The following TPM3 variants were observed in gnomAD, a reference collection of about 807,000 sequenced individuals.
The protein encoded by TPM3 is tropomyosin alpha-3 chain.
Under a neutral mutation model 43.1 loss-of-function variants are expected in TPM3, and 16 were observed. The ratio of observed to expected loss-of-function variants is 0.37; its 90% confidence interval spans 0.25 to 0.56. TPM3 has a LOEUF of 0.56. Ranked by LOEUF, TPM3 falls within the 20% of genes least tolerant of loss-of-function variation. TPM3 has a pLI of 0.77. For missense variants in TPM3, 176 were observed against 337.2 expected (o/e 0.52, Z 3.74); for synonymous variants, 101 against 116.9 (o/e 0.86, Z 0.88).
chr1:154,168,871 T>G (rs1217147127), intron 9 of TPM3, among the ~76,000 whole-genome samples: 1 of 150,106 alleles, frequency 6.7e-6, no homozygotes, highest in Non-Finnish European at 1.5e-5. Context: ...GGTCTCACTC[T>G]GTTGCCCAGG....
Position 154,172,910 on chromosome 1 carries a change from C to T in TPM3, c.564G>A (p.Glu188=), listed in dbSNP as rs781154420. The change falls in exon 5 of 10, where the codon GAG becomes GAA. Residue 188 remains glutamate (E), a splice_region_variant and synonymous_variant. Coordinates refer to ENST00000651641, the MANE Select transcript of TPM3 (RefSeq NM_152263.4). ...ERTEERAELA[E]SKCSELEEEL... ...GATTTGGGGAGCTAGATACTCACGA[C>T]TCTGCCAGCTCAGCTCGTTCCTCTG... 1.2e-6 allele frequency: 2 copies of T among 1,614,076 alleles called. No individual in the cohort carries two copies. Among genetic ancestry groups the T allele is most frequent in the Non-Finnish European group, 1.7e-6 (2 of 1,180,054 alleles).
intron 4 of TPM3, 51 bp from the exon 5 acceptor site, chr1:154,173,029 C>T (rs142720544): frequency 9.4e-5 from 151 of 1,613,690 alleles, no homozygotes; most frequent in Middle Eastern, 3.3e-4. Flanking sequence ...AGCCATTTAC[C>T]GCATTATGCT....
intron 5 of TPM3, 105 bp from the exon 6 acceptor site, chr1:154,171,593 T>C (rs1384289816): frequency 2.2e-5 from 27 of 1,201,030 alleles, no homozygotes; most frequent in Admixed American, 3.7e-5. Flanking sequence ...GTAGAGAGAG[T>C]TGGAAGGCAT....
At chr1:154,176,625 G>A (rs953519386) in intron 2 of TPM3, among the ~76,000 whole-genome samples, 2 of 130,096 alleles carry the variant, frequency 1.5e-5, no homozygotes, top group African/African-American at 5.9e-5. Context: ...CTCATCCTCA[G>A]TAACCTTTCA....
rs956555722 is a variant in TPM3, at chr1:154,176,935, C to T, written c.244-687G>A. 8.7e-5 allele frequency among the ~76,000 whole-genome samples: 13 copies of T among 148,728 alleles called. No individual in the cohort carries two copies. In the South Asian group the frequency reaches 1.3e-3, roughly 15 times the overall value. On this transcript the variant is annotated intron_variant, in intron 2 of 9. Coordinates refer to ENST00000651641, the MANE Select transcript of TPM3 (RefSeq NM_152263.4). ...CAGAGGTTGTACTGAGCTGAGATTG[C>T]GCCACTACACTCCAGCCTGGGCAAC...
chr1:154,187,521 T>C, intron 2 of TPM3: 1 of 984,524 alleles, frequency 1.0e-6, no homozygotes, highest in Non-Finnish European at 1.2e-6. Context: ...TGGATTCCTA[T>C]GTAAATATGA....
chr1:154,162,230 T>C lies in TPM3; in HGVS notation c.*5707A>G, dbSNP rs1660446327. On this transcript the variant is annotated 3_prime_UTR_variant, in exon 10 of 10. Coordinates refer to ENST00000651641, the MANE Select transcript of TPM3 (RefSeq NM_152263.4). ...AAACACAAAAATTAGCCGGGCTTGG[T>C]TGCACGTGCCTGTAATCCCAGCTAT... is the stretch of plus-strand genomic sequence containing the variant. 6.6e-6 allele frequency among the ~76,000 whole-genome samples: 1 copy of C among 151,800 alleles called. No individual in the cohort carries two copies. The highest frequency in any genetic ancestry group is 6.6e-5 in the Admixed American group (1 of 15,220).
chr1:154,171,159 T>C lies in TPM3; in HGVS notation c.642+254A>G, dbSNP rs1261647185. The stretch of plus-strand genomic sequence containing the variant: ...GAAAGCCTGTTAGGGCCCTTGATTA[T>C]TGCTTTTCAGCACAGCAGTATCAGC... On this transcript the variant is annotated intron_variant, in intron 6 of 9. Coordinates refer to ENST00000651641, the MANE Select transcript of TPM3 (RefSeq NM_152263.4). The C allele has an allele frequency of 8.4e-6, 5 of 598,196 alleles. No individual in the cohort carries two copies. In the Admixed American group the frequency reaches 1.2e-4, roughly 14 times the overall value. 37.1% of individuals were successfully genotyped at this position (598,196 alleles called of 1,614,324 possible).
In TPM3 at chr1:154,163,397, T is replaced by C. The variant is rs765374926; in HGVS notation, c.*4540A>G. On this transcript the variant is annotated 3_prime_UTR_variant, in exon 10 of 10. Transcript: ENST00000651641. ...ATTGCCTATATAATCTTCCTACCAA[T>C]ACACTCTTTTGCCCCTGAAAATGAC... Among the ~76,000 whole-genome samples, 1 of 152,182 alleles carries C rather than the reference T, an allele frequency of 6.6e-6. No individual in the cohort carries two copies.
Position 154,164,368 on chromosome 1 carries a change from C to G in TPM3, c.*3569G>C, listed in dbSNP as rs1195618543. ...TAGAGACAGGTTCTCACTTTATTGCCAGGCTGGTCTCGAACTCCTGGATTC... is the reference window on the plus strand; with the variant it reads ...TAGAGACAGGTTCTCACTTTATTGCGAGGCTGGTCTCGAACTCCTGGATTC... On this transcript the variant is annotated 3_prime_UTR_variant, in exon 10 of 10. Coordinates refer to ENST00000651641, the MANE Select transcript of TPM3 (RefSeq NM_152263.4). Among the ~76,000 whole-genome samples the G allele has an allele frequency of 6.6e-6, 1 of 152,084 alleles. No homozygotes were observed. Among genetic ancestry groups the G allele is most frequent in the Non-Finnish European group, 1.5e-5 (1 of 68,020 alleles).
intron 2 of TPM3, among the ~76,000 whole-genome samples, chr1:154,178,386 A>C (rs938973413): frequency 6.6e-6 from 1 of 152,232 alleles, no homozygotes; most frequent in African/African-American, 2.4e-5. Context: ...CTGTATCAAA[A>C]GCAGAACCTG....
At chr1:154,187,804 G>T in intron 2 of TPM3, among the ~76,000 whole-genome samples, 1 of 151,452 alleles carries the variant, frequency 6.6e-6, no homozygotes, top group East Asian at 1.9e-4. Flanking sequence ...CCTAAGAGCA[G>T]ACCCAGATTG....
At chr1:154,159,721 C>G (rs1316683580), downstream of TPM3, among the ~76,000 whole-genome samples, 1 of 152,164 alleles carries the variant, frequency 6.6e-6, no homozygotes, top group Non-Finnish European at 1.5e-5. Context: ...GTTTTTCAGC[C>G]TCCCTTGCAG....
chr1:154,171,886 G>A, intron 5 of TPM3: 1 of 899,488 alleles, frequency 1.1e-6, no homozygotes, highest in Non-Finnish European at 1.8e-6. Flanking sequence ...TGCCAAGTAA[G>A]TGGAAAAGAA....
intron 3 of TPM3, among the ~76,000 whole-genome samples, chr1:154,174,915 T>C (rs1033796113): frequency 8.5e-5 from 13 of 152,318 alleles, no homozygotes; most frequent in African/African-American, 1.9e-4. Context: ...AAACCCTTAG[T>C]TGTCAAGCAC....
chr1:154,157,154 G>A (rs7654), downstream of TPM3: 6 of 260,396 alleles, frequency 2.3e-5, no homozygotes, highest in East Asian at 6.1e-5. Flanking sequence ...TTCCCACAGC[G>A]GAGTCTCCCT....
Position 154,164,939 on chromosome 1 carries a change from G to A in TPM3, c.*2998C>T. On this transcript the variant is annotated 3_prime_UTR_variant, in exon 10 of 10. Transcript: ENST00000651641. ...CAACATATCCTATTCAAAATCTCCAGTGGCATCCCCATTAACTCCAAGTAA... is the reference window on the plus strand; with the variant it reads ...CAACATATCCTATTCAAAATCTCCAATGGCATCCCCATTAACTCCAAGTAA... Among the ~76,000 whole-genome samples the A allele has an allele frequency of 6.6e-6, 1 of 152,130 alleles. No homozygotes were observed. Among genetic ancestry groups the A allele is most frequent in the Non-Finnish European group, 1.5e-5 (1 of 68,032 alleles).
chr1:154,164,651 T>C lies in TPM3; in HGVS notation c.*3286A>G, dbSNP rs1660753170. Among the ~76,000 whole-genome samples, 1 of 152,226 alleles carries C rather than the reference T, an allele frequency of 6.6e-6. No homozygotes were observed. The highest frequency in any genetic ancestry group is 2.1e-4 in the South Asian group (1 of 4,834). On this transcript the variant is annotated 3_prime_UTR_variant, in exon 10 of 10. Coordinates refer to ENST00000651641, the MANE Select transcript of TPM3 (RefSeq NM_152263.4). ...TTCCAAAGTGTGGTGTATTCACTGC[T>C]ATAGTTACTTTAATGTGATTAGGAA...
At chr1:154,177,808 A>AAAAC (rs1662502730) in intron 2 of TPM3, among the ~76,000 whole-genome samples, 1 of 152,182 alleles carries the variant, frequency 6.6e-6, no homozygotes, top group Non-Finnish European at 1.5e-5. Context: ...AAACTTCCAC[A>AAAAC]TACAAACATG....
Sources: allele counts gnomAD v4.1 joint callset (sites outside exome capture counted in the v4.1 genomes callset), GRCh38; gene constraint gnomAD v4.1.1; transcripts MANE v1.5; gene names NCBI Gene and HGNC (gene_info 2026-07-23, HGNC 2026-07-21).